Variants in GRIA2 observed in about 807,000 individuals in gnomAD.
The protein encoded by GRIA2 is glutamate receptor 2.
A neutral mutation model predicts 97.3 loss-of-function variants in GRIA2; 14 were observed. The ratio of observed to expected loss-of-function variants is 0.14; its 90% CI spans 0.10 to 0.23. GRIA2 has a LOEUF of 0.23. Ranked by LOEUF, GRIA2 falls within the 10% of genes least tolerant of loss-of-function variation. GRIA2 has a pLI of 1.00. For missense variants in GRIA2, 558 were observed against 1,069.8 expected, an observed-to-expected ratio of 0.52 and a Z score of 6.67; for synonymous variants, 412 against 387.8, an observed-to-expected ratio of 1.06 and a Z score of -0.73.
chr4:157,246,822 C>CA (rs1344749455), intron 2 of GRIA2, among the ~76,000 whole-genome samples: 1 of 152,138 alleles, frequency 6.6e-6, no homozygotes, highest in Non-Finnish European at 1.5e-5. Flanking sequence ...TCGATCTTCA[C>CA]AGCTTCAAGT....
chr4:157,255,811 T>A (rs1215444220), intron 2 of GRIA2, among the ~76,000 whole-genome samples: 2 of 151,494 alleles, frequency 1.3e-5, no homozygotes, highest in Non-Finnish European at 1.5e-5. Context: ...AACCATAACA[T>A]AAAAACCAAA....
chr4:157,338,180 C>G (rs1251743818), intron 11 of GRIA2, among the ~76,000 whole-genome samples: 1 of 150,874 alleles, frequency 6.6e-6, no homozygotes, highest in East Asian at 2.0e-4. Context: ...AAATACTAAC[C>G]AAATTGGGGT....
At chr4:157,255,926 C>T (rs1329052450) in intron 2 of GRIA2, among the ~76,000 whole-genome samples, 1 of 151,214 alleles carries the variant, frequency 6.6e-6, no homozygotes, top group African/African-American at 2.4e-5. Context: ...TGCTAAGCAT[C>T]AGATAAATGC....
At chr4:157,333,909 G>A in intron 8 of GRIA2, 101 bp from the exon 9 acceptor site, 1 of 664,638 alleles carries the variant, frequency 1.5e-6, no homozygotes, top group Non-Finnish European at 2.8e-6. Context: ...CAGTAAATGT[G>A]GTTCTAATTT....
At chr4:157,324,117 G>C (rs190864571) in intron 6 of GRIA2, among the ~76,000 whole-genome samples, 10 of 152,144 alleles carry the variant, frequency 6.6e-5, no homozygotes, top group Non-Finnish European at 1.3e-4. Flanking sequence ...GTGCCTATAA[G>C]GGCTAATTTG....
chr4:157,258,632 C>T (rs956660664), intron 2 of GRIA2, among the ~76,000 whole-genome samples: 2 of 152,074 alleles, frequency 1.3e-5, no homozygotes, highest in African/African-American at 4.8e-5. Context: ...AGCATGTGAT[C>T]TCTGTGACCC....
intron 12 of GRIA2, among the ~76,000 whole-genome samples, chr4:157,353,993 G>A (rs1479467219): frequency 6.6e-6 from 1 of 151,934 alleles, no homozygotes; most frequent in East Asian, 1.9e-4. Flanking sequence ...CATATAAAAT[G>A]TCATGATTAC....
At chr4:157,323,565 G>T (rs936468635) in intron 6 of GRIA2, among the ~76,000 whole-genome samples, 2 of 151,938 alleles carry the variant, frequency 1.3e-5, no homozygotes, top group Non-Finnish European at 2.9e-5. Context: ...TGATGGAGTG[G>T]ATGTTATCCT....
chr4:157,273,750 G>A (rs1365598109), intron 2 of GRIA2, among the ~76,000 whole-genome samples: 1 of 151,966 alleles, frequency 6.6e-6, no homozygotes, highest in African/African-American at 2.4e-5. Context: ...ACTACAAACA[G>A]TGTAACATAC....
At chr4:157,252,020 A>G (rs1731042048) in intron 2 of GRIA2, among the ~76,000 whole-genome samples, 1 of 152,146 alleles carries the variant, frequency 6.6e-6, no homozygotes, top group Admixed American at 6.6e-5. Flanking sequence ...AACCATTGAC[A>G]TGAATCAGCT....
At chr4:157,302,095 C>T (rs1016270932) in intron 2 of GRIA2, among the ~76,000 whole-genome samples, 3 of 151,600 alleles carry the variant, frequency 2.0e-5, no homozygotes, top group Non-Finnish European at 4.4e-5. Context: ...ATCGCTTGAA[C>T]CCGGGAGGCG....
intron 12 of GRIA2, among the ~76,000 whole-genome samples, chr4:157,355,620 A>T (rs1736225888): frequency 1.5e-5 from 2 of 137,420 alleles, no homozygotes; most frequent in South Asian, 4.3e-4. Context: ...ATATTTATTT[A>T]TATATATTTA....
intron 2 of GRIA2, among the ~76,000 whole-genome samples, chr4:157,296,920 G>A (rs9999493): frequency 0.02 from 3,023 of 152,152 alleles, 101 homozygotes; most frequent in African/African-American, 0.068. Context: ...TATAAAACAG[G>A]CTAATACACA....
chr4:157,262,802 G>A (rs1016133174), intron 2 of GRIA2, among the ~76,000 whole-genome samples: 2 of 151,926 alleles, frequency 1.3e-5, no homozygotes, highest in Admixed American at 6.6e-5. Context: ...TAAGAGCAAA[G>A]TACCGAAGTC....
At chr4:157,298,099 T>A (rs1243540118) in intron 2 of GRIA2, among the ~76,000 whole-genome samples, 1 of 152,084 alleles carries the variant, frequency 6.6e-6, no homozygotes, top group African/African-American at 2.4e-5. Flanking sequence ...CTTTATGTGA[T>A]GTGCTTTAGG....
At chr4:157,321,269 T>C (rs1440826047) in intron 5 of GRIA2, among the ~76,000 whole-genome samples, 169 bp from the exon 6 acceptor site, 1 of 152,162 alleles carries the variant, frequency 6.6e-6, no homozygotes, top group Non-Finnish European at 1.5e-5. Flanking sequence ...GGTTAGGTGC[T>C]GATGAAGAAC....
chr4:157,318,927 TAAAAC>T (rs1050875926), intron 5 of GRIA2, among the ~76,000 whole-genome samples: 1 of 152,152 alleles, frequency 6.6e-6, no homozygotes, highest in Non-Finnish European at 1.5e-5. Flanking sequence ...CAGAAAGAGA[TAAAAC>T]AAAACAATAC....
Position 157,299,497 on chromosome 4 carries a change from T to C in GRIA2, c.230-4055T>C, listed in dbSNP as rs571305910. 2.0e-5 allele frequency among the ~76,000 whole-genome samples: 3 copies of C among 152,138 alleles called. No homozygotes were observed. The South Asian group carries it at 6.2e-4, about 31-fold the overall frequency. On this transcript the variant is annotated intron_variant, in intron 2 of 15. Coordinates refer to ENST00000264426, the MANE Select transcript of GRIA2 (RefSeq NM_001083619.3). ...TAAAATATGTAAAACAAAAAAAACA[T>C]ACTCAGTTCTTCTCCCTTTCTACTC...
chr4:157,244,309 C>A (rs1245687842), intron 2 of GRIA2, among the ~76,000 whole-genome samples: 1 of 151,986 alleles, frequency 6.6e-6, no homozygotes, highest in Non-Finnish European at 1.5e-5. Context: ...TCGTAGTAAG[C>A]AGCATGAGTT....
Sources: allele counts gnomAD v4.1 joint callset (sites outside exome capture counted in the v4.1 genomes callset), GRCh38; gene constraint gnomAD v4.1.1; transcripts MANE v1.5; gene names NCBI Gene and HGNC (gene_info 2026-07-23, HGNC 2026-07-21).